TRIM3: variants seen among roughly 807,000 people sequenced by gnomAD.
TRIM3 encodes tripartite motif containing 3, also known as tripartite motif-containing protein 3.
In TRIM3, 13 loss-of-function variants were observed where a neutral mutation model predicts 66.6. That is an observed-to-expected ratio of 0.20 (90% CI 0.13 to 0.31). The LOEUF is 0.31. Among genes scored for constraint, TRIM3 ranks in the 10% least tolerant of loss-of-function variants. The probability of loss-of-function intolerance (pLI) is 1.00; values close to 1 mark genes in which losing one functional copy is unlikely to be tolerated. For synonymous variants in TRIM3, 406 were observed against 411.7 expected, an observed-to-expected ratio of 0.99 and a Z score of 0.17; for missense variants, 711 against 1,020.4, an observed-to-expected ratio of 0.70 and a Z score of 4.13.
chr11:6,458,082 G>A lies in TRIM3; in HGVS notation c.346C>T (p.Pro116Ser). The A allele has an allele frequency of 6.2e-7, 1 of 1,609,044 alleles. No individual in the cohort carries two copies. The highest frequency in any genetic ancestry group is 8.5e-7 in the Non-Finnish European group (1 of 1,178,582). Residue 116 changes from proline to serine, a missense_variant, in exon 3 of 12, where the codon CCC becomes TCC. Coordinates refer to ENST00000345851, the MANE Select transcript of TRIM3 (RefSeq NM_033278.4). This position sits in a 1 kb window ranked among gnomAD's most constrained non-coding sequence, Gnocchi z 6.2. ...SVVAGRPLSC[P>S]NHEGKTMEFY... ...GGGCCCACCTTGCCTTCATGGTTGG[G>A]GCAGGAGAGAGGGCGGCCAGCCACT...
chr11:6,456,217 G>C lies in TRIM3; in HGVS notation c.1430-42C>G. 1 of 1,610,358 alleles carries C rather than the reference G, an allele frequency of 6.2e-7. No homozygotes were observed. Among genetic ancestry groups the C allele is most frequent in the South Asian group, 1.1e-5 (1 of 90,850 alleles). On this transcript the variant is annotated intron_variant, in intron 6 of 11. Transcript: ENST00000345851. The surrounding 1 kb of genome is among the most constrained non-coding windows in gnomAD (Gnocchi z 6.4). ...GAGGGAAAACAAAATAATTCATTCA[G>C]AGGTCATCTTGAACCTCCCTTCCCT... is the stretch of plus-strand genomic sequence containing the variant.
In TRIM3 at chr11:6,456,466, A is replaced by C. The variant is rs1564965555; in HGVS notation, c.1260T>G (p.Arg420=). The stretch of plus-strand genomic sequence containing the variant: ...CCGGGGAAGGTGGCAGGTCCCCCGG[A>C]CGCAGGGCACGCACGCGGAAGGGGC... The part of the protein sequence containing the change: ...RGSPFRVRAL[R]PGDLPPSPDD... The change falls in exon 6 of 12, where the codon CGT becomes CGG. Residue 420 remains arginine (R), a synonymous_variant. Transcript: ENST00000345851. The surrounding 1 kb of genome is among the most constrained non-coding windows in gnomAD (Gnocchi z 6.4). 2.6e-6 allele frequency: 4 copies of C among 1,542,534 alleles called. No individual in the cohort carries two copies. The East Asian group carries it at 6.8e-5, about 26-fold the overall frequency.
intron 2 of TRIM3, among the ~76,000 whole-genome samples, chr11:6,462,062 C>A (rs192749030): frequency 1.3e-5 from 2 of 152,290 alleles, no homozygotes; most frequent in East Asian, 3.9e-4. Flanking sequence ...GGCCTTTGCA[C>A]AGATTTTTCT....
At chr11:6,462,264 C>T (rs1407160772) in intron 2 of TRIM3, among the ~76,000 whole-genome samples, 1 of 152,218 alleles carries the variant, frequency 6.6e-6, no homozygotes, top group East Asian at 1.9e-4. Flanking sequence ...CTGTCAGTCA[C>T]TGCCCACTAG....
rs1850303874 is a variant in TRIM3, at chr11:6,462,812, C to T, written c.131+2753G>A. On this transcript the variant is annotated intron_variant, in intron 2 of 11. Transcript: ENST00000345851. ...TAGCCTGCACCTGTAATCCCAGCTA[C>T]TCAGGAGGCTGAGGCAGGAGGATCA... Among the ~76,000 whole-genome samples the T allele has an allele frequency of 2.0e-5, 3 of 152,136 alleles. No homozygotes were observed. In the South Asian group the frequency reaches 6.2e-4, roughly 32 times the overall value.
chr11:6,448,755 C>T lies in TRIM3; in HGVS notation c.*273G>A. 3.3e-6 allele frequency: 2 copies of T among 614,666 alleles called. No individual in the cohort carries two copies. Among genetic ancestry groups the T allele is most frequent in the Non-Finnish European group, 5.8e-6 (2 of 346,408 alleles). The allele number at this position is 614,666 out of a possible 1,614,324, so 38.1% of individuals were successfully genotyped here. On this transcript the variant is annotated 3_prime_UTR_variant, in exon 12 of 12. Transcript: ENST00000345851. ...CCCAGGCTGGGGGATGGGGAGCAGA[C>T]TGACAGGGGTGGGGAGGTGTGTAAG...
At chr11:6,462,416 TATTTA>T (rs1319243399) in intron 2 of TRIM3, among the ~76,000 whole-genome samples, 1 of 152,218 alleles carries the variant, frequency 6.6e-6, no homozygotes, top group South Asian at 2.1e-4. Flanking sequence ...TTTATTTGTT[TATTTA>T]ATTTAAGATA....
At chr11:6,452,111 C>G (rs1344162259) in intron 7 of TRIM3, 1 of 152,518 alleles carries the variant, frequency 6.6e-6, no homozygotes, top group Non-Finnish European at 1.5e-5. Flanking sequence ...GCTCATGAGA[C>G]TTAGTAGCAG....
intron 7 of TRIM3, chr11:6,452,154 A>G (rs1036402467): frequency 6.6e-6 from 1 of 152,354 alleles, no homozygotes; most frequent in Admixed American, 6.5e-5. Context: ...AGGAGAAAGT[A>G]TACAAGAATT....
At position 6,458,232 on chromosome 11, in the gene TRIM3, A is replaced by C; in HGVS notation, c.196T>G (p.Ser66Ala). 6.2e-7 allele frequency: 1 copy of C among 1,614,174 alleles called. No individual in the cohort carries two copies. Among genetic ancestry groups the C allele is most frequent in the Non-Finnish European group, 8.5e-7 (1 of 1,180,042 alleles). The change falls in exon 3 of 12, where the codon TCC becomes GCC. Residue 66 changes from serine (S) to alanine (A), a missense_variant. By Grantham distance (99) the Ser-to-Ala change is moderately conservative. This residue lies in a region of TRIM3 where 149 missense variants were observed against 240.3 expected (regional missense o/e 0.62). Coordinates refer to ENST00000345851, the MANE Select transcript of TRIM3 (RefSeq NM_033278.4). This position sits in a 1 kb window ranked among gnomAD's most constrained non-coding sequence, Gnocchi z 6.2. ...TLSCPVCRQT[S>A]ILPEQGVSAL... ...GAGACGCCCTGCTCTGGGAGGATGG[A>C]CGTCTGCCGGCATACTGGACAGGAT...
chr11:6,471,377 T>C (rs1256495114), intron 1 of TRIM3, among the ~76,000 whole-genome samples: 3 of 152,218 alleles, frequency 2.0e-5, no homozygotes, highest in African/African-American at 7.2e-5. Context: ...CAGGTTACAG[T>C]CTTTGGGCTT....
rs1174677370 is a variant in TRIM3, at chr11:6,473,809, G to C, written c.-56C>G. ...CACTCACCGCGTTGGAACAGGATGCGAGGGCAAAGCTCGGACTGCGGCCAC... is the reference window on the plus strand; with the variant it reads ...CACTCACCGCGTTGGAACAGGATGCCAGGGCAAAGCTCGGACTGCGGCCAC... On this transcript the variant is annotated 5_prime_UTR_variant, in exon 1 of 12. Coordinates refer to ENST00000345851, the MANE Select transcript of TRIM3 (RefSeq NM_033278.4). 1 of 152,154 alleles carries C rather than the reference G, an allele frequency of 6.6e-6. No homozygotes were observed. The highest frequency in any genetic ancestry group is 1.5e-5 in the Non-Finnish European group (1 of 68,042). The allele number at this position is 152,154 out of a possible 1,614,324, so 9.4% of individuals were successfully genotyped here. A position where few individuals can be genotyped will look rare whatever the true frequency, so the allele number is the denominator to read the frequency against.
At chr11:6,473,609 AC>A (rs1020315838) in intron 1 of TRIM3, among the ~76,000 whole-genome samples, 181 bp downstream of exon 1, 3 of 151,480 alleles carry the variant, frequency 2.0e-5, no homozygotes, top group Non-Finnish European at 4.4e-5. Flanking sequence ...CAGGGACCTC[AC>A]GTGAGCAGCC....
chr11:6,454,386 C>CAG (rs750032942), intron 7 of TRIM3, among the ~76,000 whole-genome samples: 17 of 129,238 alleles, frequency 1.3e-4, no homozygotes, highest in Admixed American at 5.5e-4. Context: ...GACCCTGTCT[C>CAG]AAAAAAAAAA....
Position 6,450,982 on chromosome 11 carries a change from T to C in TRIM3, c.1780A>G (p.Asn594Asp), listed in dbSNP as rs1322635666. Residue 594 changes from asparagine to aspartate, a missense_variant, in exon 9 of 12, where the codon AAC becomes GAC. By Grantham distance (23) the Asn-to-Asp change is conservative. This residue lies in a region of TRIM3 where 163 missense variants were observed against 321.9 expected (regional missense o/e 0.51). Transcript: ENST00000345851. This position sits in a 1 kb window ranked among gnomAD's most constrained non-coding sequence, Gnocchi z 4.8. ...AAGGTAAAGACGCAGCAAGACTTGT[T>C]GTCGACCACAATGATATGTCCATTC... ...DRNGHIIVVD[N>D]KSCCVFTFQP... 3 of 1,614,108 alleles carry C rather than the reference T, an allele frequency of 1.9e-6. No individual in the cohort carries two copies. Among genetic ancestry groups the C allele is most frequent in the African/African-American group, 1.3e-5 (1 of 74,932 alleles).
At chr11:6,451,626 T>C (rs1590814510) in intron 7 of TRIM3, 188 bp from the exon 8 acceptor site, 4 of 612,510 alleles carry the variant, frequency 6.5e-6, no homozygotes, top group South Asian at 4.0e-5. Flanking sequence ...ATGAATGGGA[T>C]TGTGAGAACA....
intron 7 of TRIM3, among the ~76,000 whole-genome samples, chr11:6,454,057 AG>A (rs1421817063): frequency 6.6e-6 from 1 of 152,144 alleles, no homozygotes; most frequent in Non-Finnish European, 1.5e-5. Flanking sequence ...GAGCTATACC[AG>A]GTGTTCCCTC....
At chr11:6,455,782 C>A (rs1849937266) in intron 7 of TRIM3, among the ~76,000 whole-genome samples, 1 of 152,204 alleles carries the variant, frequency 6.6e-6, no homozygotes, top group African/African-American at 2.4e-5. Context: ...TGAGCCAGAT[C>A]TTTGCAGTCC....
chr11:6,472,913 G>C (rs1012536204), intron 1 of TRIM3, among the ~76,000 whole-genome samples: 5 of 151,882 alleles, frequency 3.3e-5, no homozygotes, highest in African/African-American at 1.2e-4. Flanking sequence ...GGATGAATGG[G>C]CACCAGTGAG....
Sources: gnomAD v4.1 joint callset for allele counts (sites outside exome capture counted in the v4.1 genomes callset) on GRCh38, gnomAD v4.1.1 for gene constraint, gnomAD v4.1.1 regional missense constraint, Gnocchi (gnomAD v3.1) non-coding constraint, MANE v1.5 for transcripts, NCBI Gene and HGNC (gene_info 2026-07-23, HGNC 2026-07-21) for gene names.